The following SIL1 variants were observed in gnomAD, a reference collection of about 807,000 sequenced individuals.
SIL1 encodes the protein SIL1 nucleotide exchange factor.
A neutral mutation model predicts 49.1 loss-of-function variants in SIL1; 40 were observed. That is an observed-to-expected ratio of 0.81 (90% confidence interval 0.63 to 1.06). The LOEUF (loss-of-function observed/expected upper bound fraction) is 1.06, where lower values mean the gene tolerates loss of function less well. SIL1 is among the 50% of genes least tolerant of loss of function. The pLI is 0.00. For missense variants in SIL1, 500 were observed against 572.6 expected, an observed-to-expected ratio of 0.87 and a Z score of 1.29; for synonymous variants, 253 against 250.8, an observed-to-expected ratio of 1.01 and a Z score of -0.08.
chr5:139,124,576 A>G (rs1360007229), intron 2 of SIL1, among the ~76,000 whole-genome samples: 1 of 152,204 alleles, frequency 6.6e-6, no homozygotes, highest in Non-Finnish European at 1.5e-5. Flanking sequence ...CCCAAAACAC[A>G]CCTAGCTATC....
chr5:139,039,750 A>G (rs1239575685), intron 5 of SIL1, among the ~76,000 whole-genome samples: 2 of 152,218 alleles, frequency 1.3e-5, no homozygotes, highest in South Asian at 2.1e-4. Context: ...CCAAGAATCA[A>G]AAGCTTAAAA....
Position 139,051,032 on chromosome 5 carries a change from C to CTTTT in SIL1, c.258_259insAAAA (p.Ala87LysfsTer22). On this transcript the variant is annotated frameshift_variant, in exon 4 of 10. Transcript: ENST00000394817. LOFTEE classifies it high-confidence loss of function. Reference sequence around the variant, plus strand: ...AGATTCAGCCGTACGTGGGATCCTGCAGGGACAGCCTGCCCTAAAAGCCAA... The same window carrying CTTTT: ...AGATTCAGCCGTACGTGGGATCCTGCTTTTAGGGACAGCCTGCCCTAAAAGCCAA... 1.9e-6 allele frequency: 3 copies of CTTTT among 1,614,132 alleles called. No individual in the cohort carries two copies. Among genetic ancestry groups the CTTTT allele is most frequent in the Non-Finnish European group, 2.5e-6 (3 of 1,180,004 alleles).
At chr5:139,100,266 A>T (rs1174509498) in intron 3 of SIL1, among the ~76,000 whole-genome samples, 1 of 152,206 alleles carries the variant, frequency 6.6e-6, no homozygotes, top group Non-Finnish European at 1.5e-5. Context: ...AGGAAAGACT[A>T]AGGGAAGTGA....
intron 3 of SIL1, among the ~76,000 whole-genome samples, chr5:139,097,533 A>T (rs1468661483): frequency 6.6e-6 from 1 of 150,566 alleles, no homozygotes; most frequent in African/African-American, 2.5e-5. Context: ...GCTGGAGTGC[A>T]GTGGCTTGAT....
At chr5:139,149,748 C>T (rs1751261243) in intron 1 of SIL1, among the ~76,000 whole-genome samples, 1 of 152,082 alleles carries the variant, frequency 6.6e-6, no homozygotes, top group South Asian at 2.1e-4. Flanking sequence ...GCATCCTAGG[C>T]AGGACAAGAG....
chr5:139,011,352 G>A (rs1452640916), intron 7 of SIL1, among the ~76,000 whole-genome samples: 20 of 152,180 alleles, frequency 1.3e-4, no homozygotes, highest in African/African-American at 4.1e-4. Flanking sequence ...ACTGGCCTGC[G>A]CCCACTGTCT....
chr5:139,028,867 A>G (rs954228542), intron 5 of SIL1, among the ~76,000 whole-genome samples: 3 of 152,232 alleles, frequency 2.0e-5, no homozygotes, highest in African/African-American at 7.2e-5. Context: ...CACCATGATC[A>G]CATAATCTAC....
intron 3 of SIL1, among the ~76,000 whole-genome samples, chr5:139,059,956 GA>G (rs1769548102): frequency 6.6e-6 from 1 of 152,102 alleles, no homozygotes. Context: ...ATCCCTGTGA[GA>G]AATACATTTA....
At chr5:139,115,227 T>C (rs543336935) in intron 3 of SIL1, among the ~76,000 whole-genome samples, 2 of 152,338 alleles carry the variant, frequency 1.3e-5, no homozygotes, top group East Asian at 3.9e-4. Flanking sequence ...GTCTCACTTT[T>C]ATTGCAACTG....
chr5:139,034,942 C>T (rs1768868971), intron 5 of SIL1, among the ~76,000 whole-genome samples: 1 of 152,122 alleles, frequency 6.6e-6, no homozygotes. Context: ...TATTTTTTGA[C>T]TTTTTAACAA....
intron 1 of SIL1, among the ~76,000 whole-genome samples, chr5:139,192,465 A>G (rs1050575889): frequency 6.6e-6 from 1 of 152,184 alleles, no homozygotes; most frequent in African/African-American, 2.4e-5. Context: ...GTCACAACAT[A>G]GCCTATGAGC....
chr5:139,087,959 C>G (rs549754846), intron 3 of SIL1, among the ~76,000 whole-genome samples: 1 of 152,308 alleles, frequency 6.6e-6, no homozygotes, highest in East Asian at 1.9e-4. Context: ...TCCCTCCCTC[C>G]TCCAAACCAG....
chr5:138,962,177 G>A (rs1166830845), intron 7 of SIL1, among the ~76,000 whole-genome samples: 3 of 151,844 alleles, frequency 2.0e-5, no homozygotes, highest in Non-Finnish European at 4.4e-5. Context: ...TTGCTTCTGT[G>A]CCAGTTTTAT....
At chr5:139,146,276 G>A (rs1751195290) in intron 1 of SIL1, among the ~76,000 whole-genome samples, 1 of 152,166 alleles carries the variant, frequency 6.6e-6, no homozygotes, top group Non-Finnish European at 1.5e-5. Flanking sequence ...ATTTAAGAAG[G>A]CCAGGAATGG....
At position 138,948,471 on chromosome 5, in the gene SIL1, T is replaced by C. The variant is rs1580973084; in HGVS notation, c.1030-998A>G. Among the ~76,000 whole-genome samples, 3 of 152,306 alleles carry C rather than the reference T, an allele frequency of 2.0e-5. No homozygotes were observed. Among genetic ancestry groups the C allele is most frequent in the Admixed American group, 6.5e-5 (1 of 15,306 alleles). ...GCCCCCAAACCCTCACAGCCTGGCATTGCGGGTGATAAAGACAAAATCAAT... is the reference window on the plus strand; with the variant it reads ...GCCCCCAAACCCTCACAGCCTGGCACTGCGGGTGATAAAGACAAAATCAAT... On this transcript the variant is annotated intron_variant, in intron 9 of 9. Coordinates refer to ENST00000394817, the MANE Select transcript of SIL1 (RefSeq NM_022464.5). The surrounding 1 kb of genome is among the most constrained non-coding windows in gnomAD (Gnocchi z 4.8).
intron 1 of SIL1, among the ~76,000 whole-genome samples, chr5:139,180,113 C>T (rs1460757319): frequency 6.6e-6 from 1 of 150,570 alleles, no homozygotes; most frequent in Non-Finnish European, 1.5e-5. Context: ...CTTGTAATCC[C>T]AGCACTTTGG....
At chr5:139,019,495 A>G (rs1052269112) in intron 7 of SIL1, among the ~76,000 whole-genome samples, 4 of 152,186 alleles carry the variant, frequency 2.6e-5, no homozygotes, top group African/African-American at 9.7e-5. Flanking sequence ...CTTGCCACCA[A>G]AACACTAAAT....
At chr5:139,043,346 C>T (rs1043479118) in intron 4 of SIL1, among the ~76,000 whole-genome samples, 6 of 152,186 alleles carry the variant, frequency 3.9e-5, no homozygotes, top group Non-Finnish European at 7.3e-5. Flanking sequence ...GGGAAGTGGG[C>T]CCAGCCACAA....
At chr5:138,953,130 T>A (rs1373524523) in intron 7 of SIL1, among the ~76,000 whole-genome samples, 1 of 152,248 alleles carries the variant, frequency 6.6e-6, no homozygotes, top group Non-Finnish European at 1.5e-5. Context: ...AGCCACCGCA[T>A]GCCTCTGGCT....
Sources: gnomAD v4.1 joint callset for allele counts (sites outside exome capture counted in the v4.1 genomes callset) on GRCh38, gnomAD v4.1.1 for gene constraint, Gnocchi (gnomAD v3.1) non-coding constraint, MANE v1.5 for transcripts, NCBI Gene and HGNC (gene_info 2026-07-23, HGNC 2026-07-21) for gene names.